The following MVB12B variants were observed in gnomAD, a reference collection of about 807,000 sequenced individuals.
MVB12B encodes the protein ESCRT-I complex subunit MVB12B.
MVB12B carries 16 observed loss-of-function variants against 41.6 expected under a neutral mutation model. The observed-to-expected ratio is 0.38, with a 90% CI of 0.26 to 0.58. The LOEUF (loss-of-function observed/expected upper bound fraction) is 0.58, where lower values mean the gene tolerates loss of function less well. Among genes scored for constraint, MVB12B ranks in the 20% least tolerant of loss-of-function variants. MVB12B has a pLI of 0.62. For missense variants in MVB12B, 274 were observed against 380.2 expected, an observed-to-expected ratio of 0.72 and a Z score of 2.32; for synonymous variants, 133 against 139.7, an observed-to-expected ratio of 0.95 and a Z score of 0.34.
chr9:126,480,302 G>A lies in MVB12B; in HGVS notation c.758-1067G>A, dbSNP rs1350355945. The stretch of plus-strand genomic sequence containing the variant: ...TAAGGGAGAAGCCAACACTGGAAAG[G>A]CCCCTACCACTGTCCCAGCAGCCGC... On this transcript the variant is annotated intron_variant, in intron 7 of 9. Coordinates refer to ENST00000361171, the MANE Select transcript of MVB12B (RefSeq NM_033446.3). This position sits in a 1 kb window ranked among gnomAD's most constrained non-coding sequence, Gnocchi z 4.9. Among the ~76,000 whole-genome samples the A allele has an allele frequency of 6.6e-6, 1 of 152,146 alleles. No homozygotes were observed. Among genetic ancestry groups the A allele is most frequent in the Non-Finnish European group, 1.5e-5 (1 of 68,030 alleles).
chr9:126,408,191 T>C (rs1193796287), intron 6 of MVB12B: 1 of 152,202 alleles, frequency 6.6e-6, no homozygotes, highest in Non-Finnish European at 1.5e-5. Context: ...AGCCTAATGA[T>C]TTTGCCGTCG....
At chr9:126,347,927 G>A (rs1021891829) in intron 2 of MVB12B, among the ~76,000 whole-genome samples, 1 of 152,226 alleles carries the variant, frequency 6.6e-6, no homozygotes, top group Non-Finnish European at 1.5e-5. Flanking sequence ...CCATGGGCTG[G>A]AGGATAGCGG....
At position 126,376,774 on chromosome 9, in the gene MVB12B, G is replaced by T; in HGVS notation, c.205-4290G>T. 1 of 1,206,622 alleles carries T rather than the reference G, an allele frequency of 8.3e-7. No homozygotes were observed. The highest frequency in any genetic ancestry group is 1.1e-6 in the Non-Finnish European group (1 of 939,880). The allele number at this position is 1,206,622 out of a possible 1,614,324, so 74.7% of individuals were successfully genotyped here. On this transcript the variant is annotated intron_variant, in intron 2 of 9. Coordinates refer to ENST00000361171, the MANE Select transcript of MVB12B (RefSeq NM_033446.3). This position sits in a 1 kb window ranked among gnomAD's most constrained non-coding sequence, Gnocchi z 4.1. ...GCCTCCTTCCCCACCTGCCGGGCTT[G>T]TAGAGTCCTGAGCTGTGCTGGGTTC...
rs1162179429 is a variant in MVB12B at position 126,486,724 on chromosome 9, T to C, written c.873+2692T>C. ...ACCCCAGGCCTCATTCCTCCCTGTG[T>C]CGTGGGGAGAAATGGAGACTCCGAG... On this transcript the variant is annotated intron_variant, in intron 9 of 9. Transcript: ENST00000361171. The surrounding 1 kb of genome is among the most constrained non-coding windows in gnomAD (Gnocchi z 4.7). 3.3e-5 allele frequency among the ~76,000 whole-genome samples: 5 copies of C among 152,114 alleles called. No individual in the cohort carries two copies. The highest frequency in any genetic ancestry group is 5.9e-5 in the Non-Finnish European group (4 of 68,024).
intron 2 of MVB12B, among the ~76,000 whole-genome samples, chr9:126,360,583 A>G (rs73593701): frequency 1.3e-5 from 2 of 152,308 alleles, no homozygotes; most frequent in South Asian, 2.1e-4. Context: ...ACAGATGTCA[A>G]TTAGGTCAAG....
chr9:126,355,911 G>A (rs2118874466), intron 2 of MVB12B, among the ~76,000 whole-genome samples: 1 of 152,196 alleles, frequency 6.6e-6, no homozygotes, highest in East Asian at 1.9e-4. Context: ...ACCCCAAAAG[G>A]AAATCCTGTA....
chr9:126,370,230 T>C (rs1830297461), intron 2 of MVB12B, among the ~76,000 whole-genome samples: 1 of 152,186 alleles, frequency 6.6e-6, no homozygotes, highest in African/African-American at 2.4e-5. Context: ...GATATGGACA[T>C]GTGCCCTCTG....
At chr9:126,358,271 G>A (rs1829936288) in intron 2 of MVB12B, among the ~76,000 whole-genome samples, 1 of 151,478 alleles carries the variant, frequency 6.6e-6, no homozygotes, top group South Asian at 2.1e-4. Flanking sequence ...CTTTTTCAAA[G>A]TTATTTTGGT....
intron 6 of MVB12B, among the ~76,000 whole-genome samples, chr9:126,408,714 G>C (rs1484408418): frequency 2.0e-5 from 3 of 152,110 alleles, no homozygotes; most frequent in Non-Finnish European, 4.4e-5. Flanking sequence ...GCCGTGTCCT[G>C]AGTCCTTCGG....
intron 3 of MVB12B, among the ~76,000 whole-genome samples, chr9:126,382,101 T>TAAAA (rs10658875): frequency 6.8e-6 from 1 of 146,112 alleles, no homozygotes; most frequent in Non-Finnish European, 1.5e-5. Flanking sequence ...TATTTGCAGT[T>TAAAA]AAAAAAAAAA....
rs1453989385 is a variant in MVB12B at position 126,468,195 on chromosome 9, AT to A, written c.758-13171del. ...TGCCTCTCTCACCATGTTCCAGAAT[AT>A]TTCATCTTCTCTCATGGTCTCAATT... On this transcript the variant is annotated intron_variant, in intron 7 of 9. Transcript: ENST00000361171. The surrounding 1 kb of genome is among the most constrained non-coding windows in gnomAD (Gnocchi z 4.3). Among the ~76,000 whole-genome samples, 1 of 151,930 alleles carries A rather than the reference AT, an allele frequency of 6.6e-6. No individual in the cohort carries two copies. Among genetic ancestry groups the A allele is most frequent in the Admixed American group, 6.6e-5 (1 of 15,242 alleles).
intron 6 of MVB12B, among the ~76,000 whole-genome samples, chr9:126,402,762 G>A (rs1390884580): frequency 6.6e-6 from 1 of 152,238 alleles, no homozygotes; most frequent in Non-Finnish European, 1.5e-5. Context: ...GCTTCACTTG[G>A]AAAAATTAGA....
At chr9:126,359,061 A>AT (rs1164062424) in intron 2 of MVB12B, among the ~76,000 whole-genome samples, 3,519 of 144,058 alleles carry the variant, frequency 0.024, 121 homozygotes, top group Admixed American at 0.098. Context: ...TTTAATTTTA[A>AT]TTTTTTTTTT....
rs1833496894 is a variant in MVB12B, at chr9:126,480,118, G to T, written c.758-1251G>T. On this transcript the variant is annotated intron_variant, in intron 7 of 9. Coordinates refer to ENST00000361171, the MANE Select transcript of MVB12B (RefSeq NM_033446.3). This position sits in a 1 kb window ranked among gnomAD's most constrained non-coding sequence, Gnocchi z 4.9. ...CGACGCTGCCCCCATGCTCTACCTTGCTTCCATTGTGCTCACTCCGTTTCT... is the reference window on the plus strand; with the variant it reads ...CGACGCTGCCCCCATGCTCTACCTTTCTTCCATTGTGCTCACTCCGTTTCT... Among the ~76,000 whole-genome samples, 1 of 152,168 alleles carries T rather than the reference G, an allele frequency of 6.6e-6. No homozygotes were observed. Among genetic ancestry groups the T allele is most frequent in the South Asian group, 2.1e-4 (1 of 4,828 alleles).
intron 9 of MVB12B, among the ~76,000 whole-genome samples, chr9:126,496,240 CTTACCCAA>C (rs879341928): frequency 1.1e-4 from 15 of 133,814 alleles, no homozygotes; most frequent in South Asian, 2.5e-4. Context: ...CATACACCCA[CTTACCCAA>C]CCATCCATCC....
At chr9:126,422,612 C>T (rs1028064544) in intron 7 of MVB12B, among the ~76,000 whole-genome samples, 7 of 152,260 alleles carry the variant, frequency 4.6e-5, no homozygotes, top group Non-Finnish European at 8.8e-5. Context: ...TATCCTGGGC[C>T]GCCAGTGAGG....
intron 7 of MVB12B, among the ~76,000 whole-genome samples, chr9:126,439,154 G>C (rs1322478666): frequency 1.3e-5 from 2 of 152,122 alleles, no homozygotes; most frequent in African/African-American, 2.4e-5. Flanking sequence ...CCCTGGAGTG[G>C]AAGCAGGCCT....
intron 7 of MVB12B, among the ~76,000 whole-genome samples, chr9:126,470,070 TAGTATTAGTG>T (rs1833280180): frequency 6.6e-6 from 1 of 152,198 alleles, no homozygotes; most frequent in Admixed American, 6.5e-5. Flanking sequence ...CCACTGGTAT[TAGTATTAGTG>T]AGTATTAGTG....
intron 7 of MVB12B, among the ~76,000 whole-genome samples, chr9:126,447,301 C>A (rs1266382781): frequency 2.0e-5 from 3 of 150,006 alleles, no homozygotes; most frequent in Non-Finnish European, 4.4e-5. Context: ...AATAGCTTCC[C>A]TTGAGTGGTT....
Sources: gnomAD v4.1 joint callset for allele counts (sites outside exome capture counted in the v4.1 genomes callset) on GRCh38, gnomAD v4.1.1 for gene constraint, Gnocchi (gnomAD v3.1) non-coding constraint, MANE v1.5 for transcripts, NCBI Gene and HGNC (gene_info 2026-07-23, HGNC 2026-07-21) for gene names.